The following CDKAL1 variants were observed in gnomAD, a reference collection of about 807,000 sequenced individuals.
CDKAL1 encodes the protein threonylcarbamoyladenosine tRNA methylthiotransferase.
Under a neutral mutation model 68.2 loss-of-function variants are expected in CDKAL1, and 32 were observed. The observed-to-expected ratio is 0.47, with a 90% CI of 0.35 to 0.63. CDKAL1 has a LOEUF of 0.63. CDKAL1 is among the 30% of genes least tolerant of loss of function. The pLI, the probability that CDKAL1 is intolerant of heterozygous loss-of-function variation, is 0.00. For missense variants in CDKAL1, 606 were observed against 696.7 expected, an observed-to-expected ratio of 0.87 and a Z score of 1.47; for synonymous variants, 234 against 244.3, an observed-to-expected ratio of 0.96 and a Z score of 0.39.
At position 20,609,529 on chromosome 6, in the gene CDKAL1, A is replaced by G. The variant is rs569344794; in HGVS notation, c.287-39764A>G. Among the ~76,000 whole-genome samples, 349 of 151,056 alleles carry G rather than the reference A, an allele frequency of 2.3e-3. 1 individual carries two copies. The highest frequency in any genetic ancestry group is 3.8e-3 in the Non-Finnish European group (256 of 67,696). ...TCCTGCCTCAGCCTCCCGAGTAGCT[A>G]GGATTACAGGTGTGCACCACCACGC... On this transcript the variant is annotated intron_variant, in intron 4 of 15. Transcript: ENST00000274695.
At chr6:20,942,675 A>G (rs1764042859) in intron 9 of CDKAL1, among the ~76,000 whole-genome samples, 2 of 148,286 alleles carry the variant, frequency 1.3e-5, no homozygotes, top group South Asian at 4.3e-4. Context: ...CTGAACAATT[A>G]TATTTTAATG....
intron 5 of CDKAL1, among the ~76,000 whole-genome samples, chr6:20,671,668 A>G (rs1236864590): frequency 6.6e-6 from 1 of 152,018 alleles, no homozygotes; most frequent in Non-Finnish European, 1.5e-5. Context: ...TGTGTAACCT[A>G]ATTGTTCTAG....
At chr6:20,752,136 A>G (rs1773950546) in intron 6 of CDKAL1, among the ~76,000 whole-genome samples, 1 of 146,026 alleles carries the variant, frequency 6.8e-6, no homozygotes, top group African/African-American at 2.5e-5. Flanking sequence ...CCTTTTCCCC[A>G]TTGCTTCCTC....
intron 9 of CDKAL1, among the ~76,000 whole-genome samples, chr6:20,912,460 T>A (rs1477207245): frequency 1.3e-5 from 2 of 152,134 alleles, no homozygotes. Context: ...GGGTGAGACA[T>A]GCAAGAGTCT....
intron 10 of CDKAL1, among the ~76,000 whole-genome samples, chr6:20,977,945 A>G: frequency 1.3e-5 from 2 of 152,298 alleles, no homozygotes; most frequent in South Asian, 4.1e-4. Context: ...TATCTAATTA[A>G]TGAATTAATC....
At chr6:21,078,509 T>C (rs1436917653) in intron 12 of CDKAL1, among the ~76,000 whole-genome samples, 1 of 152,206 alleles carries the variant, frequency 6.6e-6, no homozygotes, top group Non-Finnish European at 1.5e-5. Flanking sequence ...TTATTGTCAT[T>C]CTGCACATCA....
At chr6:20,948,362 C>T (rs1764360658) in intron 9 of CDKAL1, among the ~76,000 whole-genome samples, 1 of 152,162 alleles carries the variant, frequency 6.6e-6, no homozygotes, top group Non-Finnish European at 1.5e-5. Context: ...CATAAAAATT[C>T]TGTCCTTTAA....
chr6:20,638,486 G>A (rs1470152431), intron 4 of CDKAL1, among the ~76,000 whole-genome samples: 1 of 152,210 alleles, frequency 6.6e-6, no homozygotes, highest in African/African-American at 2.4e-5. Flanking sequence ...GGCCTGGTGA[G>A]CAGTAGTTTT....
At chr6:20,589,685 T>G (rs1432462980) in intron 4 of CDKAL1, among the ~76,000 whole-genome samples, 1 of 152,210 alleles carries the variant, frequency 6.6e-6, no homozygotes, top group Non-Finnish European at 1.5e-5. Context: ...AAAGTACTTT[T>G]GTAATTATTT....
intron 9 of CDKAL1, among the ~76,000 whole-genome samples, chr6:20,872,387 T>C (rs1760269319): frequency 6.6e-6 from 1 of 152,184 alleles, no homozygotes; most frequent in Non-Finnish European, 1.5e-5. Context: ...GCAAGGGTCA[T>C]CAGTGTGTAG....
intron 9 of CDKAL1, among the ~76,000 whole-genome samples, chr6:20,927,435 A>G (rs1320588316): frequency 6.6e-6 from 1 of 152,246 alleles, no homozygotes; most frequent in Non-Finnish European, 1.5e-5. Flanking sequence ...TGTTAGCAAG[A>G]GCAGTGAAGA....
intron 13 of CDKAL1, among the ~76,000 whole-genome samples, chr6:21,129,267 A>G (rs780488458): frequency 1.3e-5 from 2 of 152,222 alleles, no homozygotes; most frequent in Non-Finnish European, 2.9e-5. Context: ...TAAAGAAAGC[A>G]TGTGATTGAA....
chr6:20,999,933 A>G (rs964802018), intron 10 of CDKAL1, among the ~76,000 whole-genome samples: 1 of 152,176 alleles, frequency 6.6e-6, no homozygotes, highest in African/African-American at 2.4e-5. Flanking sequence ...TTGTTTTGGA[A>G]TCCTGAAAAA....
intron 12 of CDKAL1, among the ~76,000 whole-genome samples, chr6:21,068,437 T>G (rs1337549577): frequency 6.7e-6 from 1 of 148,758 alleles, no homozygotes; most frequent in Non-Finnish European, 1.5e-5. Context: ...TTGTTTTGGG[T>G]TTTTTTGCCT....
rs547488577 is a variant in CDKAL1 at position 20,793,396 on chromosome 6, A to T, written c.638+12131A>T. 3.6e-4 allele frequency among the ~76,000 whole-genome samples: 55 copies of T among 152,274 alleles called. 2 individuals are homozygous for T. The highest frequency in any genetic ancestry group is 3.4e-3 in the Middle Eastern group (1 of 294). ...CATTGCACGCATCTTGGAAAAAGAG[A>T]TGTCAAATGCCCATGAGGATGGAGT... On this transcript the variant is annotated intron_variant, in intron 8 of 15. Transcript: ENST00000274695.
In CDKAL1 at chr6:20,635,541, G is replaced by A. The variant is rs573853235; in HGVS notation, c.287-13752G>A. The stretch of plus-strand genomic sequence containing the variant: ...TGCATTATACACTTACTGGTTGAGC[G>A]TCCCTAATCCAAAGATCCAAAATGT... On this transcript the variant is annotated intron_variant, in intron 4 of 15. Transcript: ENST00000274695. Among the ~76,000 whole-genome samples, 39 of 152,114 alleles carry A rather than the reference G, an allele frequency of 2.6e-4. 1 individual carries two copies. The highest frequency in any genetic ancestry group is 1.9e-3 in the Admixed American group (29 of 15,286).
At chr6:21,066,418 C>G (rs1414104820) in intron 12 of CDKAL1, among the ~76,000 whole-genome samples, 1 of 151,970 alleles carries the variant, frequency 6.6e-6, no homozygotes, top group Non-Finnish European at 1.5e-5. Flanking sequence ...AAAAAGATGC[C>G]AAATTAATTC....
chr6:21,013,779 T>C (rs1197898627), intron 11 of CDKAL1, among the ~76,000 whole-genome samples: 1 of 152,250 alleles, frequency 6.6e-6, no homozygotes. Context: ...ATCACACTTT[T>C]AGATTCTGTC....
chr6:20,961,540 G>A (rs1276909389), intron 10 of CDKAL1, among the ~76,000 whole-genome samples: 1 of 152,134 alleles, frequency 6.6e-6, no homozygotes, highest in Non-Finnish European at 1.5e-5. Context: ...GGCCGAGGCG[G>A]GTGGATCACG....
Sources: allele counts gnomAD v4.1 joint callset (sites outside exome capture counted in the v4.1 genomes callset), GRCh38; gene constraint gnomAD v4.1.1; transcripts MANE v1.5; gene names NCBI Gene and HGNC (gene_info 2026-07-23, HGNC 2026-07-21).